Variants in MDGA2 observed in about 807,000 individuals in gnomAD.
MDGA2 encodes MAM domain-containing glycosylphosphatidylinositol anchor protein 2.
Under a neutral mutation model 117.8 loss-of-function variants are expected in MDGA2, and 40 were observed. That is an observed-to-expected ratio of 0.34 (90% CI 0.26 to 0.44). The LOEUF (loss-of-function observed/expected upper bound fraction) is 0.44, where lower values mean the gene tolerates loss of function less well. MDGA2 is among the 20% of genes least tolerant of loss of function. The pLI is 1.00. For missense variants in MDGA2, 1,123 were observed against 1,250.6 expected (o/e 0.90, Z 1.54); for synonymous variants, 452 against 439.0 (o/e 1.03, Z -0.37).
chr14:47,336,973 T>C (rs761430482), intron 1 of MDGA2, among the ~76,000 whole-genome samples: 42 of 151,986 alleles, frequency 2.8e-4, no homozygotes, highest in Non-Finnish European at 5.0e-4. Flanking sequence ...TTTCTTCTTT[T>C]CACATTCATG....
chr14:46,967,422 G>A (rs1886079549), intron 8 of MDGA2, among the ~76,000 whole-genome samples: 1 of 152,128 alleles, frequency 6.6e-6, no homozygotes. Context: ...ATTTATAAAT[G>A]CAATATTTAT....
Position 47,097,088 on chromosome 14 carries a change from T to C in MDGA2, c.961A>G (p.Ile321Val), listed in dbSNP as rs769353152. The C allele has an allele frequency of 1.1e-5, 18 of 1,613,078 alleles. No homozygotes were observed. The highest frequency in any genetic ancestry group is 2.2e-5 in the East Asian group (1 of 44,878). ...ATGGCCTCTCCAGGATTTACAACTATAGGATCATCCACCAAGAGTTTAATT... is the reference window on the plus strand; with the variant it reads ...ATGGCCTCTCCAGGATTTACAACTACAGGATCATCCACCAAGAGTTTAATT... ...PSIKLLVDDPIVVNPGEAITL... is the reference protein window; with the variant it reads ...PSIKLLVDDPVVVNPGEAITL... Residue 321 changes from isoleucine to valine, a missense_variant, in exon 6 of 17, where the codon ATA (isoleucine) becomes GTA (valine). By Grantham distance (29) the Ile-to-Val change is conservative. Around this residue, in one of 2 missense-constraint regions of MDGA2, gnomAD observed 890 missense variants for 1,050.3 expected, o/e 0.85. Coordinates refer to ENST00000399232, the MANE Select transcript of MDGA2 (RefSeq NM_001113498.3).
intron 1 of MDGA2, among the ~76,000 whole-genome samples, chr14:47,572,131 TC>T (rs1216371402): frequency 3.3e-5 from 5 of 152,214 alleles, no homozygotes; most frequent in African/African-American, 9.6e-5. Context: ...GGCTATTCAA[TC>T]CCATCCCTTG....
At chr14:47,140,092 C>A (rs1882654070) in intron 4 of MDGA2, among the ~76,000 whole-genome samples, 1 of 151,572 alleles carries the variant, frequency 6.6e-6, no homozygotes, top group African/African-American at 2.4e-5. Context: ...GCCATATTAT[C>A]AAACTAAAGA....
intron 1 of MDGA2, among the ~76,000 whole-genome samples, chr14:47,434,032 T>G (rs1362529179): frequency 7.2e-5 from 11 of 152,110 alleles, no homozygotes; most frequent in Non-Finnish European, 1.6e-4. Context: ...AATATATCTC[T>G]TAAAAGATAA....
chr14:47,250,720 T>C lies in MDGA2; in HGVS notation c.421-32525A>G, dbSNP rs75362495. On this transcript the variant is annotated intron_variant, in intron 2 of 16. Transcript: ENST00000399232. ...ATAAACCACCCAGTTCTAAGTTTTT[T>C]GTTGTAGCAGCCTGAAGAGACAAAG... Among the ~76,000 whole-genome samples the C allele has an allele frequency of 3.9e-4, 59 of 152,336 alleles. No individual in the cohort carries two copies. In the East Asian group the frequency reaches 0.011, roughly 29 times the overall value.
intron 10 of MDGA2, 51 bp from the exon 11 acceptor site, chr14:46,882,272 T>C (rs747742965): frequency 2.0e-6 from 3 of 1,470,398 alleles, no homozygotes; most frequent in Non-Finnish European, 2.7e-6. Context: ...TCTTCAGAGG[T>C]ACTAAGAAAA....
intron 8 of MDGA2, among the ~76,000 whole-genome samples, chr14:46,989,795 G>C (rs1047727597): frequency 6.6e-6 from 1 of 152,024 alleles, no homozygotes; most frequent in Non-Finnish European, 1.5e-5. Flanking sequence ...GGACCACCAA[G>C]TGAATCATGA....
intron 5 of MDGA2, among the ~76,000 whole-genome samples, chr14:47,108,621 A>T (rs1261345698): frequency 1.3e-5 from 2 of 151,708 alleles, no homozygotes; most frequent in Non-Finnish European, 2.9e-5. Flanking sequence ...TCCTTTACCT[A>T]CCCAAATCCT....
intron 1 of MDGA2, among the ~76,000 whole-genome samples, chr14:47,409,315 TG>T (rs1275873128): frequency 6.6e-6 from 1 of 152,176 alleles, no homozygotes; most frequent in South Asian, 2.1e-4. Context: ...ATGGAGGTGA[TG>T]GGAAGGGACT....
At chr14:47,140,705 G>A (rs1157668088) in intron 4 of MDGA2, among the ~76,000 whole-genome samples, 1 of 152,076 alleles carries the variant, frequency 6.6e-6, no homozygotes, top group Non-Finnish European at 1.5e-5. Context: ...AGACTTAAAT[G>A]TAAGACCTGA....
At chr14:46,882,836 A>AG (rs1882517319) in intron 10 of MDGA2, among the ~76,000 whole-genome samples, 2 of 151,928 alleles carry the variant, frequency 1.3e-5, no homozygotes, top group South Asian at 4.1e-4. Flanking sequence ...CATCTCCATA[A>AG]GAAGAATGTT....
In MDGA2 at chr14:47,141,296, A is replaced by G. The variant is rs556866112; in HGVS notation, c.792+2782T>C. Among the ~76,000 whole-genome samples, 36 of 152,336 alleles carry G rather than the reference A, an allele frequency of 2.4e-4. 1 individual carries two copies. The South Asian group carries it at 7.0e-3, about 30-fold the overall frequency. On this transcript the variant is annotated intron_variant, in intron 4 of 16. Transcript: ENST00000399232. ...TGATCCAGCAATCCTACTGTTGGAT[A>G]GATCCAAAAGAAATTAAGACAGTAT...
At chr14:46,955,258 T>G (rs1885519254) in intron 9 of MDGA2, among the ~76,000 whole-genome samples, 1 of 151,998 alleles carries the variant, frequency 6.6e-6, no homozygotes, top group Non-Finnish European at 1.5e-5. Flanking sequence ...ATGGGCTTAT[T>G]CTAATAAATC....
intron 1 of MDGA2, among the ~76,000 whole-genome samples, chr14:47,428,738 G>A (rs969467177): frequency 3.3e-5 from 5 of 151,360 alleles, no homozygotes; most frequent in Admixed American, 6.6e-5. Context: ...ACACATATAC[G>A]TGTTACACAT....
intron 7 of MDGA2, among the ~76,000 whole-genome samples, chr14:47,039,852 A>C (rs1377696164): frequency 6.6e-6 from 1 of 152,100 alleles, no homozygotes; most frequent in Non-Finnish European, 1.5e-5. Context: ...TGTTCAGTAT[A>C]AACAGTTGTA....
intron 2 of MDGA2, among the ~76,000 whole-genome samples, chr14:47,221,752 A>T (rs1351574214): frequency 6.6e-6 from 1 of 151,400 alleles, no homozygotes; most frequent in East Asian, 1.9e-4. Flanking sequence ...TAAAATGATG[A>T]GAAAAATAGG....
intron 1 of MDGA2, among the ~76,000 whole-genome samples, chr14:47,628,928 C>T (rs552763015): frequency 6.6e-6 from 1 of 152,344 alleles, no homozygotes; most frequent in East Asian, 1.9e-4. Context: ...TGAGACAAGG[C>T]TGAAGAGCCA....
chr14:47,581,682 T>A (rs1006673279), intron 1 of MDGA2, among the ~76,000 whole-genome samples: 3 of 151,960 alleles, frequency 2.0e-5, no homozygotes, highest in African/African-American at 4.8e-5. Context: ...GGTATAAAAC[T>A]CTTCTTCTCT....
Sources: gnomAD v4.1 joint callset for allele counts (sites outside exome capture counted in the v4.1 genomes callset) on GRCh38, gnomAD v4.1.1 for gene constraint, gnomAD v4.1.1 regional missense constraint, MANE v1.5 for transcripts, NCBI Gene and HGNC (gene_info 2026-07-23, HGNC 2026-07-21) for gene names.